CBFA2T2: variants seen among roughly 807,000 people sequenced by gnomAD.
The protein encoded by CBFA2T2 is protein CBFA2T2.
CBFA2T2 carries 11 observed loss-of-function variants against 62.2 expected under a neutral mutation model. That is an observed-to-expected ratio of 0.18 (90% CI 0.11 to 0.29). The LOEUF (loss-of-function observed/expected upper bound fraction) is 0.29, where lower values mean the gene tolerates loss of function less well. Among genes scored for constraint, CBFA2T2 ranks in the 10% least tolerant of loss-of-function variants. CBFA2T2 has a pLI of 1.00. For synonymous variants in CBFA2T2, 295 were observed against 287.5 expected, an observed-to-expected ratio of 1.03 and a Z score of -0.27; for missense variants, 592 against 774.1, an observed-to-expected ratio of 0.76 and a Z score of 2.79.
At position 33,490,248 on chromosome 20, in the gene CBFA2T2, CGCG is replaced by C. The variant is rs1357818431; in HGVS notation, c.-10_-8del. On this transcript the variant is annotated 5_prime_UTR_variant, in exon 1 of 11. Transcript: ENST00000342704. Reference sequence around the variant, plus strand: ...GTGTCGCGGGTAGAGGCGGGCGGCGCGCGGCGGCGGCGCTCGGCGATGGTAGGC... The same window carrying C: ...GTGTCGCGGGTAGAGGCGGGCGGCGCGCGGCGGCGCTCGGCGATGGTAGGC... 6 of 1,230,880 alleles carry C rather than the reference CGCG, an allele frequency of 4.9e-6. No individual in the cohort carries two copies. Among genetic ancestry groups the C allele is most frequent in the South Asian group, 3.8e-5 (1 of 26,098 alleles). The allele number at this position is 1,230,880 out of a possible 1,614,324, so 76.2% of individuals were successfully genotyped here.
chr20:33,494,974 A>G (rs1438903667), intron 1 of CBFA2T2, among the ~76,000 whole-genome samples: 1 of 152,342 alleles, frequency 6.6e-6, no homozygotes, highest in East Asian at 1.9e-4. Flanking sequence ...AGCAGTTCCA[A>G]CGTTGTCTTT....
intron 1 of CBFA2T2, among the ~76,000 whole-genome samples, chr20:33,579,817 C>CTT (rs11475822): frequency 1.4e-4 from 20 of 138,442 alleles, no homozygotes; most frequent in Admixed American, 3.6e-4. Context: ...CTCTCTCTCT[C>CTT]TTTTTTTTTT....
At chr20:33,571,238 C>T (rs541162814) in intron 1 of CBFA2T2, among the ~76,000 whole-genome samples, 35 of 152,296 alleles carry the variant, frequency 2.3e-4, no homozygotes, top group African/African-American at 3.9e-4. Context: ...GTTTCAAACA[C>T]TTCAGTAAAA....
chr20:33,515,599 T>G (rs2146857625), intron 1 of CBFA2T2, among the ~76,000 whole-genome samples: 1 of 151,838 alleles, frequency 6.6e-6, no homozygotes, highest in East Asian at 1.9e-4. Flanking sequence ...ACCTCAAGTT[T>G]GAGACCAGCC....
chr20:33,600,886 A>C (rs561457725), intron 1 of CBFA2T2, among the ~76,000 whole-genome samples: 1 of 152,318 alleles, frequency 6.6e-6, no homozygotes, highest in African/African-American at 2.4e-5. Context: ...ATTATTGGAA[A>C]TAATCCAATT....
intron 1 of CBFA2T2, among the ~76,000 whole-genome samples, chr20:33,576,678 C>T (rs1358326453): frequency 6.6e-6 from 1 of 152,264 alleles, no homozygotes; most frequent in Non-Finnish European, 1.5e-5. Flanking sequence ...CTGACTGAGG[C>T]AGCCACCAGG....
At chr20:33,491,311 G>C (rs2011145196) in intron 1 of CBFA2T2, among the ~76,000 whole-genome samples, 1 of 152,152 alleles carries the variant, frequency 6.6e-6, no homozygotes. Context: ...CCGAACTGGG[G>C]TTTTGAGTTT....
At chr20:33,554,595 C>CT (rs1344854548) in intron 1 of CBFA2T2, among the ~76,000 whole-genome samples, 18 of 89,472 alleles carry the variant, frequency 2.0e-4, no homozygotes, top group Admixed American at 6.4e-4. Context: ...TTTCCTTTTT[C>CT]TTTTCTTTTT....
rs1490907515 is a variant in CBFA2T2, at chr20:33,516,544, T to C, written c.34+26243T>C. On this transcript the variant is annotated intron_variant, in intron 1 of 10. Transcript: ENST00000342704. Reference sequence around the variant, plus strand: ...AATCCTAGACTTCGGGAGGCCGAGGTGGGCAGATCACAAGGTCCAGAGTTC... The same window carrying C: ...AATCCTAGACTTCGGGAGGCCGAGGCGGGCAGATCACAAGGTCCAGAGTTC... Among the ~76,000 whole-genome samples, 5 of 152,220 alleles carry C rather than the reference T, an allele frequency of 3.3e-5. No homozygotes were observed. The East Asian group carries it at 9.7e-4, about 29-fold the overall frequency.
Position 33,645,303 on chromosome 20 carries a change from G to A in CBFA2T2, c.*657G>A, listed in dbSNP as rs540312901. On this transcript the variant is annotated 3_prime_UTR_variant, in exon 11 of 11. Transcript: ENST00000342704. ...TTCCCCCACATCACAGATGATTTTGGACAAGATTTTCCAACCTTGCTGGCT... is the reference window on the plus strand; with the variant it reads ...TTCCCCCACATCACAGATGATTTTGAACAAGATTTTCCAACCTTGCTGGCT... 6.6e-5 allele frequency: 10 copies of A among 152,294 alleles called. No homozygotes were observed. The highest frequency in any genetic ancestry group is 2.4e-4 in the African/African-American group (10 of 41,564). The allele number at this position is 152,294 out of a possible 1,614,324, so 9.4% of individuals were successfully genotyped here. A position where few individuals can be genotyped will look rare whatever the true frequency, so the allele number is the denominator to read the frequency against.
intron 1 of CBFA2T2, among the ~76,000 whole-genome samples, chr20:33,584,461 G>A (rs2014276924): frequency 6.7e-6 from 1 of 148,894 alleles, no homozygotes; most frequent in Non-Finnish European, 1.5e-5. Context: ...TTCACCATGT[G>A]TTTGCCAGGA....
chr20:33,512,019 A>T (rs2011519466), intron 1 of CBFA2T2, among the ~76,000 whole-genome samples: 2 of 152,198 alleles, frequency 1.3e-5, no homozygotes, highest in African/African-American at 4.8e-5. Context: ...TCTACTAAAA[A>T]TACAAAGATT....
At chr20:33,557,762 C>G (rs1157357427) in intron 1 of CBFA2T2, among the ~76,000 whole-genome samples, 2 of 151,978 alleles carry the variant, frequency 1.3e-5, no homozygotes, top group Non-Finnish European at 2.9e-5. Flanking sequence ...CCACCTTGGC[C>G]TCTCAAAGTG....
chr20:33,577,085 T>A (rs2013866732), intron 1 of CBFA2T2, among the ~76,000 whole-genome samples: 1 of 152,248 alleles, frequency 6.6e-6, no homozygotes, highest in Non-Finnish European at 1.5e-5. Flanking sequence ...TAGCTGATTT[T>A]GTTCTGCCTC....
At chr20:33,563,141 T>C (rs1429643790) in intron 1 of CBFA2T2, among the ~76,000 whole-genome samples, 4 of 152,260 alleles carry the variant, frequency 2.6e-5, no homozygotes, top group Non-Finnish European at 5.9e-5. Flanking sequence ...GAAGCAAAAC[T>C]AACAGCATCT....
intron 1 of CBFA2T2, among the ~76,000 whole-genome samples, chr20:33,571,932 C>T (rs560734806): frequency 2.0e-5 from 3 of 152,300 alleles, no homozygotes; most frequent in Non-Finnish European, 4.4e-5. Flanking sequence ...GCTCTGTCGC[C>T]CAGGCTGGAG....
intron 1 of CBFA2T2, among the ~76,000 whole-genome samples, chr20:33,595,917 G>C (rs537365295): frequency 6.6e-6 from 1 of 152,252 alleles, no homozygotes; most frequent in South Asian, 2.1e-4. Flanking sequence ...AGAAACCAAG[G>C]CTCTGGCATG....
intron 1 of CBFA2T2, among the ~76,000 whole-genome samples, chr20:33,571,993 C>T (rs184764286): frequency 2.0e-5 from 3 of 152,274 alleles, no homozygotes; most frequent in Admixed American, 6.5e-5. Flanking sequence ...CAGGTTCAAA[C>T]GATTCTGCTG....
At chr20:33,573,065 A>G (rs1054874051) in intron 1 of CBFA2T2, among the ~76,000 whole-genome samples, 1 of 152,166 alleles carries the variant, frequency 6.6e-6, no homozygotes, top group African/African-American at 2.4e-5. Flanking sequence ...TAATTGTCAA[A>G]TCTGTCTTCC....
Sources: allele counts gnomAD v4.1 joint callset (sites outside exome capture counted in the v4.1 genomes callset), GRCh38; gene constraint gnomAD v4.1.1; transcripts MANE v1.5; gene names NCBI Gene and HGNC (gene_info 2026-07-23, HGNC 2026-07-21).